SPATS2L: variants seen among roughly 807,000 people sequenced by gnomAD.
The protein encoded by SPATS2L is SPATS2-like protein.
Under a neutral mutation model 59.6 loss-of-function variants are expected in SPATS2L, and 30 were observed. That is an observed-to-expected ratio of 0.50 (90% CI 0.38 to 0.68). The LOEUF (loss-of-function observed/expected upper bound fraction) is 0.68. Ranked by LOEUF, SPATS2L falls within the 30% of genes least tolerant of loss-of-function variation. The probability of loss-of-function intolerance (pLI) is 0.00; values close to 1 mark genes in which losing one functional copy is unlikely to be tolerated. For missense variants in SPATS2L, 615 were observed against 700.0 expected, an observed-to-expected ratio of 0.88 and a Z score of 1.37; for synonymous variants, 252 against 263.5, an observed-to-expected ratio of 0.96 and a Z score of 0.42.
intron 2 of SPATS2L, among the ~76,000 whole-genome samples, chr2:200,369,624 ATAAGTATAAAT>A (rs1482544414): frequency 6.6e-6 from 1 of 152,076 alleles, no homozygotes; most frequent in African/African-American, 2.4e-5. Context: ...GTACTGGATA[ATAAGTATAAAT>A]TAAGTATAAT....
At chr2:200,394,114 A>G (rs1559093742) in intron 3 of SPATS2L, among the ~76,000 whole-genome samples, 2 of 152,162 alleles carry the variant, frequency 1.3e-5, no homozygotes, top group African/African-American at 2.4e-5. Context: ...AAATATCTCT[A>G]CCTTGTTGGA....
At chr2:200,448,441 AAAC>A (rs2085213130) in intron 8 of SPATS2L, among the ~76,000 whole-genome samples, 1 of 152,214 alleles carries the variant, frequency 6.6e-6, no homozygotes, top group Non-Finnish European at 1.5e-5. Flanking sequence ...GACACTGTCT[AAAC>A]AACAAAAACA....
At chr2:200,311,359 A>G (rs990256165) in intron 1 of SPATS2L, among the ~76,000 whole-genome samples, 2 of 152,126 alleles carry the variant, frequency 1.3e-5, no homozygotes, top group African/African-American at 4.8e-5. Context: ...GGCATTTCCC[A>G]GAGTTGGGAT....
At chr2:200,340,078 G>A (rs114790780) in intron 2 of SPATS2L, among the ~76,000 whole-genome samples, 1,572 of 152,172 alleles carry the variant, frequency 0.01, 24 homozygotes, top group African/African-American at 0.035. Flanking sequence ...AAGAAACCTC[G>A]ACCCACGTCA....
At chr2:200,389,181 G>A (rs1192709142) in intron 2 of SPATS2L, 42 bp from the exon 3 acceptor site, 1 of 1,313,816 alleles carries the variant, frequency 7.6e-7, no homozygotes, top group Non-Finnish European at 1.1e-6. Context: ...AACACATTGA[G>A]AAATCAATTT....
At chr2:200,377,440 G>C (rs1460370290) in intron 2 of SPATS2L, among the ~76,000 whole-genome samples, 1 of 152,226 alleles carries the variant, frequency 6.6e-6, no homozygotes, top group Admixed American at 6.5e-5. Flanking sequence ...TGTGTGGTCA[G>C]CTAGATGGGC....
At chr2:200,369,146 T>C (rs2081350483) in intron 2 of SPATS2L, among the ~76,000 whole-genome samples, 1 of 150,754 alleles carries the variant, frequency 6.6e-6, no homozygotes, top group Non-Finnish European at 1.5e-5. Flanking sequence ...TAAAAGAACA[T>C]TCATTTATTT....
intron 1 of SPATS2L, among the ~76,000 whole-genome samples, chr2:200,328,856 A>G: frequency 6.6e-6 from 1 of 152,198 alleles, no homozygotes; most frequent in East Asian, 1.9e-4. Flanking sequence ...TTTATAGGAT[A>G]TCTTTTGGAG....
intron 2 of SPATS2L, among the ~76,000 whole-genome samples, chr2:200,368,395 G>A (rs1284414707): frequency 1.3e-5 from 2 of 152,054 alleles, no homozygotes; most frequent in Non-Finnish European, 2.9e-5. Context: ...AAGCTCTTTC[G>A]GCATCTGCTT....
At chr2:200,321,888 G>A (rs542842837) in intron 1 of SPATS2L, among the ~76,000 whole-genome samples, 1 of 152,340 alleles carries the variant, frequency 6.6e-6, no homozygotes, top group East Asian at 1.9e-4. Context: ...GGGGAGATAA[G>A]TCATTCGCTC....
At chr2:200,392,057 T>C (rs2105931878) in intron 3 of SPATS2L, among the ~76,000 whole-genome samples, 1 of 152,336 alleles carries the variant, frequency 6.6e-6, no homozygotes, top group African/African-American at 2.4e-5. Context: ...GTGATACTTA[T>C]TATGAAATAT....
At chr2:200,312,929 AGTTATCACTTATTG>A (rs2079241119) in intron 1 of SPATS2L, among the ~76,000 whole-genome samples, 2 of 152,216 alleles carry the variant, frequency 1.3e-5, no homozygotes, top group Non-Finnish European at 2.9e-5. Context: ...TCATCATCAT[AGTTATCACTTATTG>A]ATCATTTTAT....
intron 2 of SPATS2L, among the ~76,000 whole-genome samples, chr2:200,334,507 T>G (rs1165194205): frequency 6.6e-6 from 1 of 150,986 alleles, no homozygotes; most frequent in Non-Finnish European, 1.5e-5. Flanking sequence ...GAAGAAGCTC[T>G]TTAGTTTAAT....
chr2:200,307,583 C>G (rs986680136), intron 1 of SPATS2L, among the ~76,000 whole-genome samples: 2 of 152,176 alleles, frequency 1.3e-5, no homozygotes, highest in Non-Finnish European at 2.9e-5. Flanking sequence ...GCGGGGGGAC[C>G]CCGGAGTCCG....
chr2:200,329,586 C>G, intron 2 of SPATS2L, 106 bp downstream of exon 2: 1 of 958,010 alleles, frequency 1.0e-6, no homozygotes, highest in Non-Finnish European at 1.6e-6. Flanking sequence ...AGCCTTTGGC[C>G]GCCTCTGCTG....
chr2:200,362,660 C>T (rs1347700238), intron 2 of SPATS2L, among the ~76,000 whole-genome samples: 1 of 152,098 alleles, frequency 6.6e-6, no homozygotes, highest in African/African-American at 2.4e-5. Context: ...GATTGTGCAC[C>T]CAGGTAGAAG....
intron 2 of SPATS2L, among the ~76,000 whole-genome samples, chr2:200,332,021 G>T (rs2079958970): frequency 6.6e-6 from 1 of 152,156 alleles, no homozygotes; most frequent in Non-Finnish European, 1.5e-5. Flanking sequence ...GGCTTGATCA[G>T]TATTGAACTT....
Position 200,419,286 on chromosome 2 carries a change from C to G in SPATS2L, c.235C>G (p.Gln79Glu). ...AAAAAGAAGCAAGTCCAAGCAGCAT[C>G]AAGGCAACAAAGATGCTAAAGACAA... is the stretch of plus-strand genomic sequence containing the variant. ...KRKRSKSKQH[Q>E]GNKDAKDKVE... is the part of the protein sequence containing the mutation. The change falls in exon 6 of 13, where the codon CAA (glutamine) becomes GAA (glutamate). Residue 79 changes from glutamine to glutamate, a missense_variant. Coordinates refer to ENST00000409140, the MANE Select transcript of SPATS2L (RefSeq NM_001100423.2). The G allele has an allele frequency of 6.3e-7, 1 of 1,594,172 alleles. No homozygotes were observed.
chr2:200,474,412 T>G (rs984843302), intron 12 of SPATS2L, among the ~76,000 whole-genome samples: 2 of 151,984 alleles, frequency 1.3e-5, no homozygotes, highest in African/African-American at 4.8e-5. Flanking sequence ...GCTCAAACAA[T>G]CCACCAGGCT....
Sources: allele counts gnomAD v4.1 joint callset (sites outside exome capture counted in the v4.1 genomes callset), GRCh38; gene constraint gnomAD v4.1.1; transcripts MANE v1.5; gene names NCBI Gene and HGNC (gene_info 2026-07-23, HGNC 2026-07-21).